The following RBFOX1 variants were observed in gnomAD, a reference collection of about 807,000 sequenced individuals.
RBFOX1 encodes the protein RNA binding fox-1 homolog 1.
A neutral mutation model predicts 57.7 loss-of-function variants in RBFOX1; 8 were observed. That is an observed-to-expected ratio of 0.14 (90% CI 0.08 to 0.25). The LOEUF is 0.25. Ranked by LOEUF, RBFOX1 falls within the 10% of genes least tolerant of loss-of-function variation. RBFOX1 has a pLI of 1.00. For synonymous variants in RBFOX1, 326 were observed against 222.4 expected (o/e 1.47, Z -4.15); for missense variants, 611 against 548.5 (o/e 1.11, Z -1.14).
intron 1 of RBFOX1, among the ~76,000 whole-genome samples, chr16:6,271,838 G>A (rs1043225764): frequency 3.9e-5 from 6 of 152,088 alleles, no homozygotes; most frequent in African/African-American, 1.4e-4. Flanking sequence ...CTCCAGATCA[G>A]GAGGTTTTTG....
At chr16:7,306,366 G>A (rs978506628) in intron 4 of RBFOX1, among the ~76,000 whole-genome samples, 2 of 152,122 alleles carry the variant, frequency 1.3e-5, no homozygotes, top group Non-Finnish European at 2.9e-5. Flanking sequence ...AAACACCCCT[G>A]CTCTGGAAAG....
At chr16:7,542,675 T>A (rs1345350609) in intron 5 of RBFOX1, among the ~76,000 whole-genome samples, 3 of 113,638 alleles carry the variant, frequency 2.6e-5, no homozygotes, top group African/African-American at 7.0e-5. Context: ...GCCAACATGG[T>A]GAAACCCTGT....
rs527747994 is a variant in RBFOX1, at chr16:6,485,251, C to A, written c.-64+168194C>A. Among the ~76,000 whole-genome samples, 16 of 152,200 alleles carry A rather than the reference C, an allele frequency of 1.1e-4. No individual in the cohort carries two copies. The South Asian group carries it at 1.7e-3, about 16-fold the overall frequency. ...ACGCTTCCCACACGTGTGATGCCTC[C>A]CCTCTATTAGAATACTCAGAGGTTA... On this transcript the variant is annotated intron_variant, in intron 2 of 15. Transcript: ENST00000550418.
intron 2 of RBFOX1, among the ~76,000 whole-genome samples, chr16:6,423,118 T>C (rs2093822420): frequency 6.6e-6 from 1 of 152,222 alleles, no homozygotes; most frequent in South Asian, 2.1e-4. Flanking sequence ...AGAACTCTCC[T>C]TTCATCATTG....
At chr16:5,812,466 T>TC (rs1418889241) in intron 3 of RBFOX1, among the ~76,000 whole-genome samples, 2 of 151,558 alleles carry the variant, frequency 1.3e-5, no homozygotes, top group African/African-American at 4.9e-5. Flanking sequence ...CTCTTTTTTT[T>TC]TTTTTTTTCA....
intron 11 of RBFOX1, among the ~76,000 whole-genome samples, chr16:7,636,446 G>A (rs1156815855): frequency 6.6e-6 from 1 of 152,190 alleles, no homozygotes; most frequent in Non-Finnish European, 1.5e-5. Context: ...ACACGTGAGT[G>A]ACACTTGTTT....
chr16:6,720,916 A>G (rs1315452423), intron 3 of RBFOX1, among the ~76,000 whole-genome samples: 1 of 152,116 alleles, frequency 6.6e-6, no homozygotes, highest in Non-Finnish European at 1.5e-5. Context: ...CTACCATGTT[A>G]TTAATTGGTT....
At chr16:7,189,748 C>T (rs971820055) in intron 4 of RBFOX1, among the ~76,000 whole-genome samples, 2 of 152,228 alleles carry the variant, frequency 1.3e-5, no homozygotes, top group African/African-American at 2.4e-5. Flanking sequence ...TTCCCACAGA[C>T]ACCTGCAGGC....
chr16:6,908,278 C>G (rs2070612821), intron 3 of RBFOX1, among the ~76,000 whole-genome samples: 1 of 151,744 alleles, frequency 6.6e-6, no homozygotes, highest in Non-Finnish European at 1.5e-5. Context: ...TCTCCTGCGG[C>G]TCTGGGCAGG....
At chr16:6,074,228 A>T (rs187227080) in intron 1 of RBFOX1, among the ~76,000 whole-genome samples, 1 of 152,148 alleles carries the variant, frequency 6.6e-6, no homozygotes, top group African/African-American at 2.4e-5. Context: ...GATTACAGGC[A>T]TGAGCCACAG....
chr16:6,801,433 C>T (rs947330802), intron 3 of RBFOX1, among the ~76,000 whole-genome samples: 2 of 151,998 alleles, frequency 1.3e-5, no homozygotes, highest in Non-Finnish European at 2.9e-5. Flanking sequence ...GATAAATAAG[C>T]AAAACGGGCA....
At chr16:5,750,289 C>G (rs989810572) in intron 3 of RBFOX1, among the ~76,000 whole-genome samples, 1 of 152,232 alleles carries the variant, frequency 6.6e-6, no homozygotes, top group Non-Finnish European at 1.5e-5. Flanking sequence ...GTGGGGGTGC[C>G]TCCCAGTTAG....
At chr16:6,799,215 A>G (rs1432148189) in intron 3 of RBFOX1, among the ~76,000 whole-genome samples, 1 of 152,046 alleles carries the variant, frequency 6.6e-6, no homozygotes. Flanking sequence ...ACTAGGGGAA[A>G]CCGTGCACAG....
chr16:7,341,239 C>G (rs1016786321), intron 4 of RBFOX1, among the ~76,000 whole-genome samples: 1 of 152,180 alleles, frequency 6.6e-6, no homozygotes, highest in Non-Finnish European at 1.5e-5. Flanking sequence ...ACATTGAACT[C>G]AATACTCTGA....
At chr16:5,603,839 G>A (rs748080104), downstream of RBFOX1, among the ~76,000 whole-genome samples, 36 of 152,192 alleles carry the variant, frequency 2.4e-4, no homozygotes, top group Non-Finnish European at 4.0e-4. Context: ...TCACTCTGGA[G>A]CAAATGCATC....
chr16:6,646,043 T>A (rs2098531771), intron 2 of RBFOX1, among the ~76,000 whole-genome samples: 1 of 152,068 alleles, frequency 6.6e-6, no homozygotes, highest in Non-Finnish European at 1.5e-5. Context: ...GGCTGCCTTC[T>A]GTCGGGAAAT....
chr16:6,246,397 C>G (rs928898152), intron 1 of RBFOX1, among the ~76,000 whole-genome samples: 1 of 152,156 alleles, frequency 6.6e-6, no homozygotes, highest in Non-Finnish European at 1.5e-5. Flanking sequence ...ATCATGATCT[C>G]CCCTTTCCCC....
chr16:6,019,540 G>T lies in RBFOX1; in HGVS notation c.-579G>T. The T allele has an allele frequency of 9.1e-7, 1 of 1,094,786 alleles. No individual in the cohort carries two copies. Among genetic ancestry groups the T allele is most frequent in the Non-Finnish European group, 1.1e-6 (1 of 900,584 alleles). The allele number at this position is 1,094,786 out of a possible 1,614,324, so 67.8% of individuals were successfully genotyped here. A position where few individuals can be genotyped will look rare whatever the true frequency, so the allele number is the denominator to read the frequency against. Reference sequence around the variant, plus strand: ...GGCGGGGGCGCTCTGCCAGCCCCGGGAACAGCAGAGGCGGCGGCACTGGCT... The same window carrying T: ...GGCGGGGGCGCTCTGCCAGCCCCGGTAACAGCAGAGGCGGCGGCACTGGCT... On this transcript the variant is annotated 5_prime_UTR_variant, in exon 1 of 16. Coordinates refer to ENST00000550418, the MANE Select transcript of RBFOX1 (RefSeq NM_018723.4). The surrounding 1 kb of genome is among the most constrained non-coding windows in gnomAD (Gnocchi z 4.2).
chr16:6,112,787 A>T (rs80261039), intron 1 of RBFOX1, among the ~76,000 whole-genome samples: 2,342 of 152,284 alleles, frequency 0.015, 66 homozygotes, highest in African/African-American at 0.053. Context: ...TGTCTGAGTG[A>T]AATACTTAGC....
Sources: gnomAD v4.1 joint callset for allele counts (sites outside exome capture counted in the v4.1 genomes callset) on GRCh38, gnomAD v4.1.1 for gene constraint, Gnocchi (gnomAD v3.1) non-coding constraint, MANE v1.5 for transcripts, NCBI Gene and HGNC (gene_info 2026-07-23, HGNC 2026-07-21) for gene names.